NPAS2: variants seen among roughly 807,000 people sequenced by gnomAD.
NPAS2 encodes the protein neuronal PAS domain protein 2, also known as neuronal PAS domain-containing protein 2.
In NPAS2, 23 loss-of-function variants were observed where a neutral mutation model predicts 107.5. That is an observed-to-expected ratio of 0.21 (90% CI 0.15 to 0.30). NPAS2 has a LOEUF of 0.30. Ranked by LOEUF, NPAS2 falls within the 10% of genes least tolerant of loss-of-function variation. NPAS2 has a pLI of 1.00. For missense variants in NPAS2, 756 were observed against 1,043.3 expected (o/e 0.72, Z 3.79); for synonymous variants, 403 against 417.5 (o/e 0.97, Z 0.42).
chr2:100,948,039 T>C (rs1675008550), intron 5 of NPAS2, among the ~76,000 whole-genome samples, 196 bp from the exon 6 acceptor site: 1 of 152,248 alleles, frequency 6.6e-6, no homozygotes, highest in Non-Finnish European at 1.5e-5. Context: ...CACATATGCA[T>C]TTGAACAAAT....
intron 4 of NPAS2, chr2:100,934,984 C>T: frequency 2.0e-6 from 2 of 985,386 alleles, no homozygotes; most frequent in Non-Finnish European, 2.4e-6. Flanking sequence ...CTAATGCCCT[C>T]CAGATGTGAC....
intron 3 of NPAS2, among the ~76,000 whole-genome samples, chr2:100,931,895 A>G (rs1470392884): frequency 6.6e-6 from 1 of 152,114 alleles, no homozygotes; most frequent in Non-Finnish European, 1.5e-5. Context: ...GAGATTATCA[A>G]AAACACAGGC....
At chr2:100,869,360 G>A (rs1679431820) in intron 1 of NPAS2, among the ~76,000 whole-genome samples, 1 of 152,144 alleles carries the variant, frequency 6.6e-6, no homozygotes. Context: ...TGTACATTTG[G>A]TGAAATTTGA....
Position 100,904,891 on chromosome 2 carries a change from A to G in NPAS2, c.32+105A>G, listed in dbSNP as rs1272821002. On this transcript the variant is annotated intron_variant, in intron 2 of 20. Transcript: ENST00000335681. The stretch of plus-strand genomic sequence containing the variant: ...CTCTGTGCAGGTGAGGCCACCAGCA[A>G]GATAGGCAGCTGTAGGACACACTCT... The G allele has an allele frequency of 3.8e-6, 3 of 782,562 alleles. No homozygotes were observed. The East Asian group carries it at 7.3e-5, about 19-fold the overall frequency. The allele number at this position is 782,562 out of a possible 1,614,324, so 48.5% of individuals were successfully genotyped here.
At chr2:100,818,859 G>C (rs562952490), upstream of NPAS2, among the ~76,000 whole-genome samples, 1 of 152,214 alleles carries the variant, frequency 6.6e-6, no homozygotes, top group Non-Finnish European at 1.5e-5. Context: ...CCCCTCTCCC[G>C]GGCTTCCACC....
intron 1 of NPAS2, among the ~76,000 whole-genome samples, chr2:100,854,650 G>T (rs1678442064): frequency 1.3e-5 from 2 of 152,340 alleles, no homozygotes; most frequent in African/African-American, 4.8e-5. Flanking sequence ...ATGATTAGGA[G>T]GCCAGGGTCA....
chr2:100,952,166 A>G (rs1466986342), intron 7 of NPAS2, among the ~76,000 whole-genome samples: 21 of 150,486 alleles, frequency 1.4e-4, no homozygotes, highest in African/African-American at 5.2e-4. Flanking sequence ...AAAAAAAAAA[A>G]AAAAAGATGT....
chr2:100,969,997 A>G (rs1480968784), intron 11 of NPAS2, among the ~76,000 whole-genome samples: 1 of 152,190 alleles, frequency 6.6e-6, no homozygotes, highest in Non-Finnish European at 1.5e-5. Context: ...AGGTCACCAA[A>G]TCAGCCATTC....
rs182386165 is a variant in NPAS2 at position 100,944,490 on chromosome 2, G to A, written c.364-3745G>A. Among the ~76,000 whole-genome samples the A allele has an allele frequency of 1.2e-4, 18 of 152,206 alleles. No individual in the cohort carries two copies. The East Asian group carries it at 3.3e-3, about 28-fold the overall frequency. On this transcript the variant is annotated intron_variant, in intron 5 of 20. Transcript: ENST00000335681. ...GATCGTGGGACTCGGCTGTAAAGAC[G>A]GCTGTGGATGGCACATTCCCTCCCT...
At chr2:100,988,759 CTG>C in intron 17 of NPAS2, 2 of 279,002 alleles carry the variant, frequency 7.2e-6, no homozygotes, top group Non-Finnish European at 1.3e-5. Flanking sequence ...CAGGCCCCCA[CTG>C]CTCCTCCAGG....
intron 1 of NPAS2, among the ~76,000 whole-genome samples, chr2:100,891,048 C>T (rs914012125): frequency 5.3e-5 from 8 of 152,052 alleles, no homozygotes; most frequent in East Asian, 1.9e-4. Context: ...CTGGCTAACA[C>T]GGTGAAACCC....
At chr2:100,936,965 G>A (rs1319320534) in intron 4 of NPAS2, among the ~76,000 whole-genome samples, 1 of 129,988 alleles carries the variant, frequency 7.7e-6, no homozygotes, top group Non-Finnish European at 1.6e-5. Context: ...CTGGGTGACA[G>A]TGAGACTCCA....
At chr2:100,981,928 C>T (rs115040251) in intron 15 of NPAS2, among the ~76,000 whole-genome samples, 245 of 152,362 alleles carry the variant, frequency 1.6e-3, no homozygotes, top group African/African-American at 5.5e-3. Flanking sequence ...ACATTGCTTA[C>T]AAAATCCTGT....
intron 2 of NPAS2, among the ~76,000 whole-genome samples, chr2:100,910,337 A>G (rs1019247623): frequency 6.6e-6 from 1 of 152,020 alleles, no homozygotes; most frequent in African/African-American, 2.4e-5. Context: ...CTTTCTGCTA[A>G]CTGTGGTTAA....
chr2:100,826,447 ATAAAAT>A (rs937443675), intron 1 of NPAS2, among the ~76,000 whole-genome samples: 3 of 152,242 alleles, frequency 2.0e-5, no homozygotes, highest in Admixed American at 6.5e-5. Context: ...TCTCAAAAAA[ATAAAAT>A]TAAACTAAAA....
intron 7 of NPAS2, among the ~76,000 whole-genome samples, chr2:100,950,429 C>T (rs973348489): frequency 6.6e-6 from 1 of 152,134 alleles, no homozygotes; most frequent in South Asian, 2.1e-4. Flanking sequence ...TTAACTTCTG[C>T]TGCGTTCTTG....
At chr2:100,835,929 G>A (rs1428416821) in intron 1 of NPAS2, among the ~76,000 whole-genome samples, 1 of 152,158 alleles carries the variant, frequency 6.6e-6, no homozygotes, top group Non-Finnish European at 1.5e-5. Flanking sequence ...ATACATGCAA[G>A]CAAGATATTA....
chr2:100,885,907 T>A (rs1310935216), intron 1 of NPAS2, among the ~76,000 whole-genome samples: 3 of 152,238 alleles, frequency 2.0e-5, no homozygotes, highest in African/African-American at 7.2e-5. Context: ...GTGATCTGCC[T>A]GCCTCAGCCT....
At chr2:100,819,109 GCTT>G (rs1482596423), upstream of NPAS2, among the ~76,000 whole-genome samples, 1 of 151,076 alleles carries the variant, frequency 6.6e-6, no homozygotes, top group African/African-American at 2.4e-5. This position sits in a 1 kb window ranked among gnomAD's most constrained non-coding sequence, Gnocchi z 5.8. Context: ...TCTCTCTCCA[GCTT>G]CTTTTTCTTG....
Sources: allele counts gnomAD v4.1 joint callset (sites outside exome capture counted in the v4.1 genomes callset), GRCh38; gene constraint gnomAD v4.1.1; non-coding constraint Gnocchi (gnomAD v3.1); transcripts MANE v1.5; gene names NCBI Gene and HGNC (gene_info 2026-07-23, HGNC 2026-07-21).